TMCC1: variants seen among roughly 807,000 people sequenced by gnomAD.
The protein encoded by TMCC1 is transmembrane and coiled-coil domain family 1.
In TMCC1, 15 loss-of-function variants were observed where a neutral mutation model predicts 52.4. The ratio of observed to expected loss-of-function variants is 0.29; its 90% CI spans 0.19 to 0.44. The LOEUF is 0.44. Among genes scored for constraint, TMCC1 ranks in the 20% least tolerant of loss-of-function variants. TMCC1 has a pLI of 1.00. For synonymous variants in TMCC1, 279 were observed against 301.9 expected, an observed-to-expected ratio of 0.92 and a Z score of 0.79; for missense variants, 503 against 806.0, an observed-to-expected ratio of 0.62 and a Z score of 4.55.
intron 2 of TMCC1, among the ~76,000 whole-genome samples, chr3:129,842,907 T>C (rs138615331): frequency 1.2e-3 from 178 of 152,130 alleles, no homozygotes; most frequent in African/African-American, 3.7e-3. Flanking sequence ...TAAACAAAAA[T>C]ACAACATTAT....
intron 2 of TMCC1, among the ~76,000 whole-genome samples, chr3:129,876,911 C>T (rs1345290521): frequency 1.3e-5 from 2 of 152,232 alleles, no homozygotes; most frequent in South Asian, 4.1e-4. Context: ...GAGCTGAGAT[C>T]GTGCCACTGC....
intron 4 of TMCC1, among the ~76,000 whole-genome samples, chr3:129,818,325 TTTTTAAAGAAAAG>T (rs1576970584): frequency 2.0e-5 from 3 of 151,988 alleles, no homozygotes; most frequent in Admixed American, 6.6e-5. Flanking sequence ...TTTAAAGAAA[TTTTTAAAGAAAAG>T]TTTTAAAGAA....
At position 129,819,683 on chromosome 3, in the gene TMCC1, A is replaced by G. The variant is rs1439870847; in HGVS notation, c.576+8120T>C. 3 of 152,232 alleles carry G rather than the reference A, an allele frequency of 2.0e-5. No individual in the cohort carries two copies. In the East Asian group the frequency reaches 5.8e-4, roughly 29 times the overall value. The allele number at this position is 152,232 out of a possible 1,614,324, so 9.4% of individuals were successfully genotyped here. The stretch of plus-strand genomic sequence containing the variant: ...GGCATTGTGTTCTGTTCTGGAGACT[A>G]GAATTTAAGCGGAATACTGAAGAAC... On this transcript the variant is annotated intron_variant, in intron 4 of 6. Transcript: ENST00000393238.
At chr3:129,864,039 C>T (rs925389701) in intron 2 of TMCC1, among the ~76,000 whole-genome samples, 1 of 152,164 alleles carries the variant, frequency 6.6e-6, no homozygotes, top group African/African-American at 2.4e-5. Context: ...CGGGTTCATG[C>T]TCTCTCTAAA....
chr3:129,803,678 G>T lies in TMCC1; in HGVS notation c.576+24125C>A, dbSNP rs114059400. ...AAAAGTTTTGACACCTCAATACAAG[G>T]CTTTAAAGACCCAGAGCACACACAA... is the stretch of plus-strand genomic sequence containing the variant. On this transcript the variant is annotated intron_variant, in intron 4 of 6. Coordinates refer to ENST00000393238, the MANE Select transcript of TMCC1 (RefSeq NM_001017395.5). Among the ~76,000 whole-genome samples the T allele has an allele frequency of 4.6e-3, 694 of 152,162 alleles. 8 individuals are homozygous for T. Among genetic ancestry groups the T allele is most frequent in the African/African-American group, 0.016 (660 of 41,522 alleles).
chr3:129,710,250 G>A (rs2048573015), intron 4 of TMCC1, among the ~76,000 whole-genome samples: 3 of 152,128 alleles, frequency 2.0e-5, no homozygotes, highest in African/African-American at 7.2e-5. Flanking sequence ...TCTGCTTCCA[G>A]GTTAAAGGTC....
chr3:129,660,919 C>A (rs1662922576), intron 5 of TMCC1, among the ~76,000 whole-genome samples: 3 of 152,202 alleles, frequency 2.0e-5, no homozygotes, highest in Non-Finnish European at 2.9e-5. Context: ...GCTGGGACTA[C>A]AGACCTGTGC....
At chr3:129,881,522 T>C (rs2061460613) in intron 1 of TMCC1, among the ~76,000 whole-genome samples, 1 of 152,144 alleles carries the variant, frequency 6.6e-6, no homozygotes. Context: ...TATGTAGGTT[T>C]TGGCAGAGAA....
chr3:129,816,101 G>T (rs1438078326), intron 4 of TMCC1, among the ~76,000 whole-genome samples: 1 of 152,142 alleles, frequency 6.6e-6, no homozygotes, highest in Non-Finnish European at 1.5e-5. Flanking sequence ...TGCTGGGGAG[G>T]ATGTGGAGAA....
intron 4 of TMCC1, among the ~76,000 whole-genome samples, chr3:129,707,308 T>C (rs776373691): frequency 6.6e-6 from 1 of 152,202 alleles, no homozygotes; most frequent in Non-Finnish European, 1.5e-5. Flanking sequence ...TGGAGATATA[T>C]TTAAAAAATT....
At chr3:129,719,577 T>C (rs2049396722) in intron 4 of TMCC1, among the ~76,000 whole-genome samples, 1 of 152,168 alleles carries the variant, frequency 6.6e-6, no homozygotes, top group Admixed American at 6.5e-5. Flanking sequence ...AGTCCTCAAC[T>C]AGTGTAATCT....
intron 4 of TMCC1, among the ~76,000 whole-genome samples, chr3:129,747,696 C>G (rs1482422270): frequency 6.7e-6 from 1 of 148,906 alleles, no homozygotes; most frequent in Non-Finnish European, 1.5e-5. Context: ...CCCACTTGGG[C>G]TCTGAAACTC....
intron 2 of TMCC1, among the ~76,000 whole-genome samples, chr3:129,874,966 C>T (rs185706827): frequency 1.9e-3 from 287 of 152,300 alleles, no homozygotes; most frequent in African/African-American, 6.6e-3. Context: ...TTTCCTTATT[C>T]TCCACAATAT....
chr3:129,670,224 T>C, intron 5 of TMCC1, 106 bp downstream of exon 5: 1 of 1,241,492 alleles, frequency 8.1e-7, no homozygotes, highest in African/African-American at 1.5e-5. Context: ...GAAAGTGCTC[T>C]GGACACTCTA....
intron 4 of TMCC1, among the ~76,000 whole-genome samples, chr3:129,815,650 G>C (rs911452286): frequency 3.3e-5 from 5 of 152,274 alleles, no homozygotes; most frequent in Middle Eastern, 3.4e-3. Context: ...ACTACTAGAA[G>C]AAATCATTGG....
At position 129,765,830 on chromosome 3, in the gene TMCC1, C is replaced by T. The variant is rs150043760; in HGVS notation, c.576+61973G>A. On this transcript the variant is annotated intron_variant, in intron 4 of 6. Transcript: ENST00000393238. Reference sequence around the variant, plus strand: ...GTCTAAAAATAAGAAATCAGACCCTCACTTTAAGAGTTTGAAGATTTCTTA... The same window carrying T: ...GTCTAAAAATAAGAAATCAGACCCTTACTTTAAGAGTTTGAAGATTTCTTA... Among the ~76,000 whole-genome samples the T allele has an allele frequency of 2.3e-3, 349 of 151,514 alleles. 2 individuals carry two copies. Among genetic ancestry groups the T allele is most frequent in the African/African-American group, 8.2e-3 (339 of 41,334 alleles).
At chr3:129,679,306 T>C (rs557644496) in intron 4 of TMCC1, among the ~76,000 whole-genome samples, 14 of 152,194 alleles carry the variant, frequency 9.2e-5, no homozygotes, top group African/African-American at 2.9e-4. Context: ...CTGCCTTATT[T>C]ATTTATTTAT....
At chr3:129,731,169 A>G (rs1403210590) in intron 4 of TMCC1, among the ~76,000 whole-genome samples, 2 of 152,244 alleles carry the variant, frequency 1.3e-5, no homozygotes, top group Admixed American at 1.3e-4. Context: ...TGCTGGTTCA[A>G]TATTTGAAAA....
At chr3:129,713,189 GAGA>G (rs1469883468) in intron 4 of TMCC1, among the ~76,000 whole-genome samples, 1 of 152,192 alleles carries the variant, frequency 6.6e-6, no homozygotes, top group Non-Finnish European at 1.5e-5. Context: ...TTGAACTCAG[GAGA>G]AGGAGGCTGT....
Sources: allele counts gnomAD v4.1 joint callset (sites outside exome capture counted in the v4.1 genomes callset), GRCh38; gene constraint gnomAD v4.1.1; transcripts MANE v1.5; gene names NCBI Gene and HGNC (gene_info 2026-07-23, HGNC 2026-07-21).